STARD5: variants seen among roughly 807,000 people sequenced by gnomAD.
The protein encoded by STARD5 is StAR related lipid transfer domain containing 5.
STARD5 carries 26 observed loss-of-function variants against 24.6 expected under a neutral mutation model. The observed-to-expected ratio is 1.06, with a 90% confidence interval of 0.77 to 1.47. The LOEUF (loss-of-function observed/expected upper bound fraction) is 1.47. Ranked by LOEUF, STARD5 falls within the 40% of genes most tolerant of loss-of-function variation. STARD5 has a pLI of 0.00. For missense variants in STARD5, 254 were observed against 270.8 expected, an observed-to-expected ratio of 0.94 and a Z score of 0.44; for synonymous variants, 101 against 99.7, an observed-to-expected ratio of 1.01 and a Z score of -0.07.
Position 81,318,471 on chromosome 15 carries a change from C to T in STARD5, c.432G>A (p.Pro144=), listed in dbSNP as rs748313074. The T allele has an allele frequency of 1.1e-5, 17 of 1,613,872 alleles. No individual in the cohort carries two copies. The highest frequency in any genetic ancestry group is 6.7e-5 in the East Asian group (3 of 44,874). ...ATHVEHPLCP[P]KPGFVRGFNH... ...TAAATCCTCTCACAAAACCTGGCTTCGGGGGACATAACGGATGCTCCACAT... is the reference window on the plus strand; with the variant it reads ...TAAATCCTCTCACAAAACCTGGCTTTGGGGGACATAACGGATGCTCCACAT... Residue 144 remains proline, a synonymous_variant, in exon 5 of 6, where the codon CCG becomes CCA. Transcript: ENST00000302824.
At chr15:81,322,800 G>A in intron 2 of STARD5, 99 bp downstream of exon 2, 1 of 1,492,676 alleles carries the variant, frequency 6.7e-7, no homozygotes, top group Non-Finnish European at 9.3e-7. Flanking sequence ...AGTGATCACA[G>A]GTTATAGGGT....
chr15:81,322,534 T>C lies in STARD5; in HGVS notation c.156A>G (p.Arg52=), dbSNP rs113689943. Residue 52 remains arginine, a synonymous_variant, in exon 3 of 6, where the codon CGA becomes CGG. Coordinates refer to ENST00000302824, the MANE Select transcript of STARD5 (RefSeq NM_181900.3). ...GTGTCCCATATACAATGCCTTCTCC[T>C]CGGTACCTGGAGCACGAAAAGGAAT... ...PSVEFPGNLY[R]GEGIVYGTLE... 4 of 1,613,980 alleles carry C rather than the reference T, an allele frequency of 2.5e-6. No homozygotes were observed. Among genetic ancestry groups the C allele is most frequent in the African/African-American group, 2.7e-5 (2 of 74,896 alleles).
At chr15:81,322,023 A>C (rs1267962184) in intron 3 of STARD5, among the ~76,000 whole-genome samples, 5 of 152,242 alleles carry the variant, frequency 3.3e-5, no homozygotes, top group Non-Finnish European at 7.3e-5. Context: ...GGATGCATGT[A>C]AGCAAAAAGC....
In STARD5 at chr15:81,324,082, T is replaced by C. The variant is rs1435383041; in HGVS notation, c.18A>G (p.Ala6=). 2 of 1,517,822 alleles carry C rather than the reference T, an allele frequency of 1.3e-6. No homozygotes were observed. The highest frequency in any genetic ancestry group is 1.9e-5 in the Admixed American group (1 of 52,832). The allele number at this position is 1,517,822 out of a possible 1,614,324, so 94.0% of individuals were successfully genotyped here. MDPAL[A]AQMSEAVAEK... ...CGGCCACAGCCTCGCTCATCTGGGC[T>C]GCCAGCGCCGGGTCCATTGCGTCGG... The change falls in exon 1 of 6, where the codon GCA becomes GCG. Residue 6 remains alanine (A), a synonymous_variant. Coordinates refer to ENST00000302824, the MANE Select transcript of STARD5 (RefSeq NM_181900.3).
rs1900972637 is a variant in STARD5, at chr15:81,313,415, A to C, written c.495-12T>G. 1 of 1,529,098 alleles carries C rather than the reference A, an allele frequency of 6.5e-7. No homozygotes were observed. The highest frequency in any genetic ancestry group is 1.3e-5 in the South Asian group (1 of 77,778). 94.7% of individuals were successfully genotyped at this position (1,529,098 alleles called of 1,614,324 possible). On this transcript the variant is annotated splice_polypyrimidine_tract_variant and intron_variant, in intron 5 of 5. Transcript: ENST00000302824. The stretch of plus-strand genomic sequence containing the variant: ...TCTTGGTGGGTTCCCTGTGAAGGCA[A>C]CAGCAGAGCTGTGTTATGATCTGCA...
chr15:81,322,602 A>G (rs1893312044), intron 2 of STARD5, 62 bp from the exon 3 acceptor site: 2 of 1,610,588 alleles, frequency 1.2e-6, no homozygotes, highest in Non-Finnish European at 1.7e-6. Context: ...TTGAGATTGT[A>G]TCTAAGGACT....
At chr15:81,319,516 C>T (rs966120576) in intron 3 of STARD5, 60 bp from the exon 4 acceptor site, 3 of 1,442,084 alleles carry the variant, frequency 2.1e-6, no homozygotes, top group Non-Finnish European at 2.9e-6. Context: ...TCCCAACTCC[C>T]ACCCCATCCC....
chr15:81,316,955 T>C (rs2141674475), intron 5 of STARD5, among the ~76,000 whole-genome samples: 1 of 152,102 alleles, frequency 6.6e-6, no homozygotes, highest in Admixed American at 6.5e-5. Context: ...TCACAGCACT[T>C]TGGGAGGCCA....
At position 81,313,145 on chromosome 15, in the gene STARD5, G is replaced by T; in HGVS notation, c.*111C>A. The T allele has an allele frequency of 7.7e-7, 1 of 1,294,050 alleles. No homozygotes were observed. Among genetic ancestry groups the T allele is most frequent in the Non-Finnish European group, 1.0e-6 (1 of 972,830 alleles). The allele number at this position is 1,294,050 out of a possible 1,614,324, so 80.2% of individuals were successfully genotyped here. On this transcript the variant is annotated 3_prime_UTR_variant, in exon 6 of 6. Transcript: ENST00000302824. ...TCAGAGATGCGCAGTCCATCAGCTT[G>T]TTCCAAAGAGTGAACACAGGCCTCT...
intron 5 of STARD5, among the ~76,000 whole-genome samples, chr15:81,314,655 G>A (rs1190371713): frequency 6.6e-6 from 1 of 152,092 alleles, no homozygotes; most frequent in Non-Finnish European, 1.5e-5. Context: ...GGAGGTCGAG[G>A]CAGGTGGATC....
At chr15:81,323,041 C>T (rs1388093745) in intron 1 of STARD5, 93 bp from the exon 2 acceptor site, 77 of 1,401,004 alleles carry the variant, frequency 5.5e-5, no homozygotes, top group South Asian at 1.7e-4. Flanking sequence ...GGGTAAGAGG[C>T]CTCAAGAGAT....
intron 5 of STARD5, among the ~76,000 whole-genome samples, chr15:81,317,643 C>A (rs1901110595): frequency 6.6e-6 from 1 of 152,160 alleles, no homozygotes; most frequent in Non-Finnish European, 1.5e-5. Flanking sequence ...GACACCGAGG[C>A]CCACCTCCTG....
At position 81,310,500 on chromosome 15, in the gene STARD5, G is replaced by T. The variant is rs577121866; in HGVS notation, c.*2756C>A. On this transcript the variant is annotated 3_prime_UTR_variant, in exon 6 of 6. Transcript: ENST00000302824. ...AAGCAGTAGACAAGCAATTAGACAA[G>T]AACTTGGAGGCACCATTTGTATCCA... The T allele has an allele frequency of 6.6e-6, 1 of 152,312 alleles. No homozygotes were observed. The highest frequency in any genetic ancestry group is 2.1e-4 in the South Asian group (1 of 4,828). 9.4% of individuals were successfully genotyped at this position (152,312 alleles called of 1,614,324 possible). A position where few individuals can be genotyped will look rare whatever the true frequency, so the allele number is the denominator to read the frequency against.
intron 1 of STARD5, chr15:81,323,576 G>GTA (rs1415177942): frequency 7.5e-7 from 1 of 1,325,478 alleles, no homozygotes; most frequent in Non-Finnish European, 1.1e-6. Flanking sequence ...GAAAACCTTA[G>GTA]TATGCATCAG....
intron 3 of STARD5, among the ~76,000 whole-genome samples, chr15:81,320,573 C>A (rs1477308281): frequency 1.3e-5 from 2 of 152,120 alleles, no homozygotes; most frequent in African/African-American, 4.8e-5. Flanking sequence ...GGCAAAGGGA[C>A]AATTAGGAGT....
intron 5 of STARD5, 68 bp from the exon 6 acceptor site, chr15:81,313,471 G>GT (rs1648065754): frequency 7.1e-7 from 1 of 1,416,392 alleles, no homozygotes; most frequent in South Asian, 1.6e-5. Flanking sequence ...CGCCAGGCAG[G>GT]TGAGCAGAGC....
intron 4 of STARD5, among the ~76,000 whole-genome samples, 168 bp downstream of exon 4, chr15:81,319,171 C>A (rs1481935314): frequency 6.6e-6 from 1 of 152,024 alleles, no homozygotes; most frequent in Non-Finnish European, 1.5e-5. Flanking sequence ...TTGCGTCAGA[C>A]CCCCATGGCC....
At position 81,309,103 on chromosome 15, in the gene STARD5, T is replaced by C. The variant is rs116673510; in HGVS notation, c.*4153A>G. The C allele has an allele frequency of 1.5e-3, 448 of 293,274 alleles. 2 individuals carry two copies. Among genetic ancestry groups the C allele is most frequent in the African/African-American group, 9.2e-3 (424 of 46,006 alleles). The allele number at this position is 293,274 out of a possible 1,614,324, so 18.2% of individuals were successfully genotyped here. ...TTATTAGAATTTCATATGACATTCA[T>C]GCCTGGCTTCGCAAAATGTTTCAAG... is the stretch of plus-strand genomic sequence containing the variant. On this transcript the variant is annotated 3_prime_UTR_variant, in exon 6 of 6. Coordinates refer to ENST00000302824, the MANE Select transcript of STARD5 (RefSeq NM_181900.3).
chr15:81,318,472 G>C lies in STARD5; in HGVS notation c.431C>G (p.Pro144Arg), dbSNP rs772173274. 1 of 1,613,836 alleles carries C rather than the reference G, an allele frequency of 6.2e-7. No homozygotes were observed. Among genetic ancestry groups the C allele is most frequent in the African/African-American group, 1.3e-5 (1 of 74,868 alleles). ...AAATCCTCTCACAAAACCTGGCTTC[G>C]GGGGACATAACGGATGCTCCACATG... Reference protein sequence around the residue: ...ATHVEHPLCPPKPGFVRGFNH... With the variant: ...ATHVEHPLCPRKPGFVRGFNH... Residue 144 changes from proline to arginine, a missense_variant, in exon 5 of 6, where the codon CCG becomes CGG. By Grantham distance (103) the Pro-to-Arg change is moderately radical. Coordinates refer to ENST00000302824, the MANE Select transcript of STARD5 (RefSeq NM_181900.3).
Sources: allele counts gnomAD v4.1 joint callset (sites outside exome capture counted in the v4.1 genomes callset), GRCh38; gene constraint gnomAD v4.1.1; transcripts MANE v1.5; gene names NCBI Gene and HGNC (gene_info 2026-07-23, HGNC 2026-07-21).